ERCC2: variants seen among roughly 807,000 people sequenced by gnomAD.
ERCC2 encodes general transcription and DNA repair factor IIH helicase subunit XPD.
ERCC2 carries 90 observed loss-of-function variants against 99.4 expected under a neutral mutation model. That is an observed-to-expected ratio of 0.91 (90% confidence interval 0.76 to 1.08). The LOEUF is 1.08. Ranked by LOEUF, ERCC2 falls within the 50% of genes least tolerant of loss-of-function variation. ERCC2 has a pLI of 0.00. For synonymous variants in ERCC2, 497 were observed against 432.4 expected (o/e 1.15, Z -1.85); for missense variants, 993 against 1,038.1 (o/e 0.96, Z 0.60).
chr19:45,351,529 CCT>C lies in ERCC2; in HGVS notation c.*98_*99del. 1 of 1,602,940 alleles carries C rather than the reference CCT, an allele frequency of 6.2e-7. No individual in the cohort carries two copies. Among genetic ancestry groups the C allele is most frequent in the South Asian group, 1.1e-5 (1 of 90,934 alleles). On this transcript the variant is annotated 3_prime_UTR_variant, in exon 23 of 23. Transcript: ENST00000391945. Reference sequence around the variant, plus strand: ...GTGGACGTGACAGTGAGAAATGTCACCTGACTTCATAAGACCTTCTAGCACCA... The same window carrying C: ...GTGGACGTGACAGTGAGAAATGTCACGACTTCATAAGACCTTCTAGCACCA...
Position 45,363,930 on chromosome 19 carries a change from A to G in ERCC2, c.950-19T>C. The G allele has an allele frequency of 6.5e-7, 1 of 1,536,762 alleles. No homozygotes were observed. Among genetic ancestry groups the G allele is most frequent in the African/African-American group, 1.4e-5 (1 of 71,366 alleles). ...ACTGCCTCTGCGAGGAGACGCTATC[A>G]GCGGCGACGGGGAGGCGGGAAAGGG... On this transcript the variant is annotated intron_variant, in intron 10 of 22. Coordinates refer to ENST00000391945, the MANE Select transcript of ERCC2 (RefSeq NM_000400.4).
chr19:45,368,524 G>A (rs1422707013), intron 5 of ERCC2, 106 bp downstream of exon 5: 3 of 776,488 alleles, frequency 3.9e-6, no homozygotes, highest in East Asian at 5.2e-5. Flanking sequence ...TGTAGCCACT[G>A]CATGCCTTTG....
intron 12 of ERCC2, chr19:45,358,020 A>G (rs954986990): frequency 4.1e-6 from 2 of 482,298 alleles, no homozygotes; most frequent in Admixed American, 3.3e-5. Flanking sequence ...CAGGAGCCAG[A>G]GCCTCAAGCT....
chr19:45,352,529 C>G lies in ERCC2; in HGVS notation c.2023G>C (p.Gly675Arg). The G allele has an allele frequency of 4.3e-6, 7 of 1,614,176 alleles. No homozygotes were observed. The highest frequency in any genetic ancestry group is 4.2e-6 in the Non-Finnish European group (5 of 1,180,034). ...ACCTTGTCGGCAAAGACCATGAGGCCGTAGTCCGTCTTGCCCCTGATGGCC... is the reference window on the plus strand; with the variant it reads ...ACCTTGTCGGCAAAGACCATGAGGCGGTAGTCCGTCTTGCCCCTGATGGCC... The part of the protein sequence containing the change: ...GRAIRGKTDY[G>R]LMVFADKRFA... Residue 675 changes from glycine (G) to arginine (R), a missense_variant, in exon 21 of 23, where the codon GGC becomes CGC. Transcript: ENST00000391945.
In ERCC2 at chr19:45,352,371, G is replaced by T. The variant is rs930757411; in HGVS notation, c.2047-19C>A. 4.3e-6 allele frequency: 7 copies of T among 1,613,692 alleles called. No individual in the cohort carries two copies. Among genetic ancestry groups the T allele is most frequent in the Non-Finnish European group, 5.9e-6 (7 of 1,180,014 alleles). On this transcript the variant is annotated intron_variant, in intron 21 of 22. Transcript: ENST00000391945. ...CAAACCGCTGTGGGCAGAAGCGCAG[G>T]CCAGGGACAGAAGGTCATTCGGGGA...
intron 12 of ERCC2, chr19:45,358,951 T>G (rs764300518): frequency 4.0e-6 from 3 of 759,488 alleles, no homozygotes; most frequent in Non-Finnish European, 7.4e-6. Context: ...TGAATTTACA[T>G]ATTCGGTTTC....
intron 11 of ERCC2, among the ~76,000 whole-genome samples, chr19:45,363,010 G>A (rs1599741536): frequency 6.6e-6 from 1 of 152,176 alleles, no homozygotes; most frequent in East Asian, 1.9e-4. Flanking sequence ...GGGCAGGGTA[G>A]GTGATTGGCT....
In ERCC2 at chr19:45,363,816, C is replaced by G; in HGVS notation, c.1045G>C (p.Val349Leu). ...AAGGCGGGCGGGCTCTCCTGCACCA[C>G]ATGCTGCACACGCAGCCGCCACTTC... ...YVKWRLRVQH[V>L]VQESPPAFLS... The change falls in exon 11 of 23, where the codon GTG (valine) becomes CTG (leucine). Residue 349 changes from valine (V) to leucine (L), a missense_variant. Val to Leu is a conservative substitution (Grantham distance 32, BLOSUM62 1). Coordinates refer to ENST00000391945, the MANE Select transcript of ERCC2 (RefSeq NM_000400.4). The G allele has an allele frequency of 6.5e-7, 1 of 1,541,358 alleles. No homozygotes were observed. Among genetic ancestry groups the G allele is most frequent in the East Asian group, 2.4e-5 (1 of 41,190 alleles).
chr19:45,350,443 G>GCCCCTGT lies in ERCC2; in HGVS notation c.*1179_*1185dup, dbSNP rs749237604. 6.2e-7 allele frequency: 1 copy of GCCCCTGT among 1,612,786 alleles called. No individual in the cohort carries two copies. The highest frequency in any genetic ancestry group is 1.7e-5 in the Admixed American group (1 of 59,932). The stretch of plus-strand genomic sequence containing the variant: ...ACCCGCCCCTCTCGGTGAGCCCCTA[G>GCCCCTGT]CCCCTGTCTGTCTTCCCTCCTGGTG... On this transcript the variant is annotated 3_prime_UTR_variant, in exon 23 of 23. Coordinates refer to ENST00000391945, the MANE Select transcript of ERCC2 (RefSeq NM_000400.4).
At chr19:45,355,845 G>C in intron 15 of ERCC2, 117 bp from the exon 16 acceptor site, 1 of 812,346 alleles carries the variant, frequency 1.2e-6, no homozygotes, top group South Asian at 1.5e-5. Context: ...AAGAGAGACA[G>C]GGTGTCACCA....
chr19:45,362,946 G>A (rs1972276653), intron 11 of ERCC2, among the ~76,000 whole-genome samples: 1 of 152,186 alleles, frequency 6.6e-6, no homozygotes, highest in African/African-American at 2.4e-5. Context: ...ATGCTGTACT[G>A]GGGGTGCAAC....
Position 45,351,733 on chromosome 19 carries a change from A to G in ERCC2, c.2191-12T>C. 1 of 1,613,380 alleles carries G rather than the reference A, an allele frequency of 6.2e-7. No homozygotes were observed. The highest frequency in any genetic ancestry group is 8.5e-7 in the Non-Finnish European group (1 of 1,179,702). On this transcript the variant is annotated splice_polypyrimidine_tract_variant and intron_variant, in intron 22 of 22. Coordinates refer to ENST00000391945, the MANE Select transcript of ERCC2 (RefSeq NM_000400.4). ...CCCAGCTGATCCTCCTGCAGAGAAC[A>G]GAGGAAAGGGAGAGGGGGGCACTGT... is the stretch of plus-strand genomic sequence containing the variant.
intron 15 of ERCC2, among the ~76,000 whole-genome samples, chr19:45,356,228 C>A (rs1053449710): frequency 2.0e-5 from 3 of 152,228 alleles, no homozygotes; most frequent in Admixed American, 6.5e-5. Context: ...CCTCACACAA[C>A]CACCATGCAG....
At chr19:45,367,368 T>TAC (rs35938083) in intron 5 of ERCC2, among the ~76,000 whole-genome samples, 968 of 83,304 alleles carry the variant, frequency 0.012, 14 homozygotes, top group South Asian at 0.019. Flanking sequence ...TATATATATA[T>TAC]ACACACACAC....
chr19:45,352,590 G>T lies in ERCC2; in HGVS notation c.1962C>A (p.Phe654Leu), dbSNP rs762985501. The T allele has an allele frequency of 1.2e-6, 2 of 1,614,050 alleles. No individual in the cohort carries two copies. Among genetic ancestry groups the T allele is most frequent in the Non-Finnish European group, 8.5e-7 (1 of 1,180,030 alleles). ...FQIRENDFLT[F>L]DAMRHAAQCV... ...ACTGGGCCGCGTGGCGCATGGCATCGAAGGTAAGAAAGTCATTCTCACGAA... is the reference window on the plus strand; with the variant it reads ...ACTGGGCCGCGTGGCGCATGGCATCTAAGGTAAGAAAGTCATTCTCACGAA... Residue 654 changes from phenylalanine (F) to leucine (L), a missense_variant, in exon 21 of 23, where the codon TTC becomes TTA. Physicochemically the swap from Phe to Leu is conservative, Grantham distance 22. Transcript: ENST00000391945.
In ERCC2 at chr19:45,365,169, G is replaced by A. The variant is rs1450157368; in HGVS notation, c.361-11C>T. 6.2e-7 allele frequency: 1 copy of A among 1,607,282 alleles called. No homozygotes were observed. Among genetic ancestry groups the A allele is most frequent in the African/African-American group, 1.3e-5 (1 of 74,802 alleles). Reference sequence around the variant, plus strand: ...GCGCAGGGGTGTCACCTGGGGGTGTGGGGCATCTTAGCACCCAGACAGGGT... The same window carrying A: ...GCGCAGGGGTGTCACCTGGGGGTGTAGGGCATCTTAGCACCCAGACAGGGT... On this transcript the variant is annotated splice_polypyrimidine_tract_variant and intron_variant, in intron 5 of 22. Coordinates refer to ENST00000391945, the MANE Select transcript of ERCC2 (RefSeq NM_000400.4).
chr19:45,369,106 T>G lies in ERCC2; in HGVS notation c.147A>C (p.Thr49=). ...CCATGATCAGGGCCAACAGGGATAC[T>G]GTCTTCCCGGTGCCTGAGGGCATCT... ...VLEMPSGTGK[T]VSLLALIMAY... The change falls in exon 3 of 23, where the codon ACA becomes ACC. Residue 49 remains threonine, a synonymous_variant. Transcript: ENST00000391945. 1 of 1,614,168 alleles carries G rather than the reference T, an allele frequency of 6.2e-7. No homozygotes were observed. The highest frequency in any genetic ancestry group is 1.1e-5 in the South Asian group (1 of 91,076).
In ERCC2 at chr19:45,350,917, G is replaced by A. The variant is rs1194504667; in HGVS notation, c.*712C>T. 3.1e-6 allele frequency: 5 copies of A among 1,606,672 alleles called. No individual in the cohort carries two copies. The highest frequency in any genetic ancestry group is 3.4e-6 in the Non-Finnish European group (4 of 1,173,938). ...TCCCTCGTGGAGGGGGGCCACTCCT[G>A]GATTCACTCATTTCCTCCCTGCTGC... On this transcript the variant is annotated 3_prime_UTR_variant, in exon 23 of 23. Transcript: ENST00000391945.
chr19:45,364,622 C>T (rs1013812859), intron 7 of ERCC2, 75 bp from the exon 8 acceptor site: 76 of 1,588,872 alleles, frequency 4.8e-5, no homozygotes, highest in East Asian at 2.9e-4. Context: ...CACACTGGCC[C>T]GTCACTCCCA....
Sources: allele counts gnomAD v4.1 joint callset (sites outside exome capture counted in the v4.1 genomes callset), GRCh38; gene constraint gnomAD v4.1.1; transcripts MANE v1.5; gene names NCBI Gene and HGNC (gene_info 2026-07-23, HGNC 2026-07-21).